Variants in SOS1 observed in about 807,000 individuals in gnomAD.
SOS1 encodes the protein SOS Ras/Rac guanine nucleotide exchange factor 1.
In SOS1, 25 loss-of-function variants were observed where a neutral mutation model predicts 157.6. That is an observed-to-expected ratio of 0.16 (90% CI 0.12 to 0.22). The LOEUF (loss-of-function observed/expected upper bound fraction) is 0.22. SOS1 is among the 10% of genes least tolerant of loss of function. The pLI, the probability that SOS1 is intolerant of heterozygous loss-of-function variation, is 1.00. For missense variants in SOS1, 1,237 were observed against 1,599.1 expected (o/e 0.77, Z 3.86); for synonymous variants, 528 against 534.0 (o/e 0.99, Z 0.16).
chr2:39,014,896 ATTAAAACTGT>A, intron 10 of SOS1, 50 bp from the exon 11 acceptor site: 1 of 980,390 alleles, frequency 1.0e-6, no homozygotes, highest in Non-Finnish European at 1.6e-6. Context: ...ATTCAAAATG[ATTAAAACTGT>A]TATGTACATT....
At chr2:39,044,449 G>A (rs1670682629) in intron 6 of SOS1, among the ~76,000 whole-genome samples, 1 of 151,860 alleles carries the variant, frequency 6.6e-6, no homozygotes, top group African/African-American at 2.4e-5. Context: ...TTCTTTCTTG[G>A]TTTGAAAGCT....
In SOS1 at chr2:39,110,109, G is replaced by C. The variant is rs180721305; in HGVS notation, c.87+10227C>G. ...GCATGTATGTATATAGTCATCCCTCGGTATCCATGGGGGATTGGTTCCAGG... is the reference window on the plus strand; with the variant it reads ...GCATGTATGTATATAGTCATCCCTCCGTATCCATGGGGGATTGGTTCCAGG... On this transcript the variant is annotated intron_variant, in intron 1 of 22. Transcript: ENST00000402219. 1.9e-3 allele frequency among the ~76,000 whole-genome samples: 264 copies of C among 140,756 alleles called. 3 individuals carry two copies. The highest frequency in any genetic ancestry group is 6.9e-3 in the African/African-American group (256 of 37,304). The allele number at this position is 140,756 out of a possible 152,430, so 92.3% of individuals were successfully genotyped here. A position where few individuals can be genotyped will look rare whatever the true frequency, so the allele number is the denominator to read the frequency against.
At chr2:39,009,284 A>G (rs1211813203) in intron 15 of SOS1, among the ~76,000 whole-genome samples, 1 of 152,294 alleles carries the variant, frequency 6.6e-6, no homozygotes, top group Non-Finnish European at 1.5e-5. Context: ...TTGAAGATAG[A>G]GCCATTGTTC....
intron 1 of SOS1, among the ~76,000 whole-genome samples, chr2:39,072,135 T>TCCTTATA (rs1671814278): frequency 2.0e-5 from 3 of 152,190 alleles, no homozygotes; most frequent in Admixed American, 1.3e-4. Flanking sequence ...GCTTGTATGG[T>TCCTTATA]CCTTATACTC....
At chr2:39,049,203 C>T (rs568270753) in intron 6 of SOS1, among the ~76,000 whole-genome samples, 1 of 152,358 alleles carries the variant, frequency 6.6e-6, no homozygotes. Context: ...CAGGCGTGAG[C>T]CACCATGCCT....
At chr2:39,010,896 CT>C (rs72504369) in intron 14 of SOS1, among the ~76,000 whole-genome samples, 193 bp from the exon 15 acceptor site, 6 of 132,912 alleles carry the variant, frequency 4.5e-5, no homozygotes, top group African/African-American at 3.4e-5. Flanking sequence ...TTTTTTTAAA[CT>C]TTTTTTTTTT....
intron 1 of SOS1, among the ~76,000 whole-genome samples, chr2:39,109,794 T>C (rs1673343923): frequency 6.6e-6 from 1 of 152,184 alleles, no homozygotes; most frequent in Non-Finnish European, 1.5e-5. Flanking sequence ...TTGCCTAGGA[T>C]ACTGGCACAT....
At chr2:39,037,742 T>C (rs989011284) in intron 6 of SOS1, among the ~76,000 whole-genome samples, 1 of 152,164 alleles carries the variant, frequency 6.6e-6, no homozygotes, top group African/African-American at 2.4e-5. Flanking sequence ...TTCTTCACCA[T>C]TACTATTGAG....
chr2:39,102,230 A>AAAAAAG (rs1553370166), intron 1 of SOS1, among the ~76,000 whole-genome samples: 1 of 142,860 alleles, frequency 7.0e-6, no homozygotes, highest in Non-Finnish European at 1.5e-5. Flanking sequence ...AAAAAAAAAA[A>AAAAAAG]GTGCCACTTT....
intron 6 of SOS1, among the ~76,000 whole-genome samples, chr2:39,043,700 T>C (rs907462787): frequency 6.6e-6 from 1 of 152,186 alleles, no homozygotes; most frequent in Non-Finnish European, 1.5e-5. Context: ...GGGCATCACA[T>C]GGCAAGGGAA....
At chr2:39,102,827 C>A (rs182425250) in intron 1 of SOS1, among the ~76,000 whole-genome samples, 1 of 152,148 alleles carries the variant, frequency 6.6e-6, no homozygotes, top group Non-Finnish European at 1.5e-5. Flanking sequence ...TGGTGGCATG[C>A]ACCTGTAGTC....
chr2:39,067,612 A>T lies in SOS1; in HGVS notation c.213+16T>A. 3 of 1,610,942 alleles carry T rather than the reference A, an allele frequency of 1.9e-6. No homozygotes were observed. The highest frequency in any genetic ancestry group is 2.5e-6 in the Non-Finnish European group (3 of 1,177,214). On this transcript the variant is annotated intron_variant, in intron 2 of 22. Transcript: ENST00000402219. ...AAATTAGATATAAAGTAAATACAAG[A>T]CAACATTTGTCATACCTCTACATCT...
chr2:39,091,591 A>G (rs571029077), intron 1 of SOS1, among the ~76,000 whole-genome samples: 5 of 112,154 alleles, frequency 4.5e-5, no homozygotes, highest in South Asian at 4.6e-4. Context: ...AAAGAACTCG[A>G]AAAAAAAAAA....
intron 1 of SOS1, among the ~76,000 whole-genome samples, chr2:39,090,971 C>T (rs902772595): frequency 1.2e-4 from 19 of 152,050 alleles, no homozygotes; most frequent in Non-Finnish European, 2.5e-4. Context: ...TGGGTTCAAG[C>T]GATTCTCCTG....
Position 39,046,201 on chromosome 2 carries a change from C to G in SOS1, c.864+4943G>C, listed in dbSNP as rs534432606. ...ATGATTTAAAAAATTACTATAGTTC[C>G]TTTTTCCCTATCTGTACATTATAAG... On this transcript the variant is annotated intron_variant, in intron 6 of 22. Transcript: ENST00000402219. Among the ~76,000 whole-genome samples the G allele has an allele frequency of 2.5e-4, 38 of 151,910 alleles. 1 individual carries two copies. The South Asian group carries it at 5.8e-3, about 23-fold the overall frequency.
In SOS1 at chr2:39,013,942, A is replaced by G. The variant is rs1048869073; in HGVS notation, c.1988T>C (p.Ile663Thr). 4 of 1,604,778 alleles carry G rather than the reference A, an allele frequency of 2.5e-6. No individual in the cohort carries two copies. In the African/African-American group the frequency reaches 5.4e-5, roughly 21 times the overall value. The stretch of plus-strand genomic sequence containing the variant: ...ACTCAAGGGTTGATCTCCATTCTCT[A>G]TAGCTATGCGATCAGCTTCTGTTGG... ...PEPTEADRIA[I>T]ENGDQPLSAE... Residue 663 changes from isoleucine (I) to threonine (T), a missense_variant, in exon 12 of 23, where the codon ATA becomes ACA. Around this residue, in one of 15 missense-constraint regions of SOS1, gnomAD observed 55 missense variants for 43.1 expected, o/e 1.27. Transcript: ENST00000402219.
chr2:39,058,575 A>T, intron 3 of SOS1, 98 bp downstream of exon 3: 2 of 1,302,098 alleles, frequency 1.5e-6, no homozygotes, highest in Non-Finnish European at 2.2e-6. Flanking sequence ...TTTTACTCTT[A>T]AGTTGACTCA....
chr2:38,990,043 C>G (rs1000818174), intron 20 of SOS1, among the ~76,000 whole-genome samples: 1 of 151,938 alleles, frequency 6.6e-6, no homozygotes, highest in African/African-American at 2.4e-5. Flanking sequence ...TATACTGATT[C>G]TAAATCAATA....
chr2:39,104,427 A>C (rs182691336), intron 1 of SOS1, among the ~76,000 whole-genome samples: 121 of 152,396 alleles, frequency 7.9e-4, no homozygotes, highest in African/African-American at 2.9e-3. Flanking sequence ...AAGGACACCA[A>C]CTAAGATGGG....
Sources: gnomAD v4.1 joint callset for allele counts (sites outside exome capture counted in the v4.1 genomes callset) on GRCh38, gnomAD v4.1.1 for gene constraint, gnomAD v4.1.1 regional missense constraint, MANE v1.5 for transcripts, NCBI Gene and HGNC (gene_info 2026-07-23, HGNC 2026-07-21) for gene names.